The following LRRC37A2 variants were observed in gnomAD, a reference collection of about 807,000 sequenced individuals.
LRRC37A2 encodes the protein leucine-rich repeat-containing protein 37A2.
A neutral mutation model predicts 68.8 loss-of-function variants in LRRC37A2; 9 were observed. The ratio of observed to expected loss-of-function variants is 0.13; its 90% CI spans 0.08 to 0.23. The LOEUF (loss-of-function observed/expected upper bound fraction) is 0.23, where lower values mean the gene tolerates loss of function less well. Ranked by LOEUF, LRRC37A2 falls within the 10% of genes least tolerant of loss-of-function variation. The probability of loss-of-function intolerance (pLI) is 1.00; values close to 1 mark genes in which losing one functional copy is unlikely to be tolerated. For synonymous variants in LRRC37A2, 63 were observed against 367.6 expected (o/e 0.17, Z 9.48); for missense variants, 168 against 950.4 (o/e 0.18, Z 10.82).
chr17:46,961,891 A>G, the LRRC37A2 span, among the ~76,000 whole-genome samples: 2 of 152,212 alleles, frequency 1.3e-5, no homozygotes, highest in Non-Finnish European at 2.9e-5. Context: ...CATGACTGCT[A>G]CCCTAGGGGA....
the LRRC37A2 span, among the ~76,000 whole-genome samples, chr17:47,038,572 C>T: frequency 1.3e-3 from 184 of 146,782 alleles, no homozygotes; most frequent in African/African-American, 4.1e-3. Context: ...ACAAAAACTT[C>T]GCTTCTCTAA....
At chr17:47,002,166 T>C in the LRRC37A2 span, among the ~76,000 whole-genome samples, 1 of 152,198 alleles carries the variant, frequency 6.6e-6, no homozygotes, top group East Asian at 1.9e-4. Flanking sequence ...GATGTATCCA[T>C]GTTGCTTTGT....
the LRRC37A2 span, among the ~76,000 whole-genome samples, chr17:46,817,379 C>T: frequency 1.3e-5 from 2 of 152,216 alleles, no homozygotes; most frequent in Admixed American, 6.5e-5. Context: ...CCTCCCCCCG[C>T]CCAGGCCAAG....
intron 6 of LRRC37A2, among the ~76,000 whole-genome samples, chr17:46,539,768 CAAAA>C (rs1204528686): frequency 2.2e-3 from 146 of 67,016 alleles, no homozygotes; most frequent in African/African-American, 9.0e-3. Flanking sequence ...GACTCCATCT[CAAAA>C]AAAAAAAAAA....
At chr17:46,891,636 G>C in the LRRC37A2 span, among the ~76,000 whole-genome samples, 2 of 152,168 alleles carry the variant, frequency 1.3e-5, no homozygotes, top group Non-Finnish European at 2.9e-5. Flanking sequence ...CGGAACACCA[G>C]GGAGAAAATT....
the LRRC37A2 span, among the ~76,000 whole-genome samples, chr17:47,007,200 CAG>C: frequency 9.9e-5 from 15 of 152,268 alleles, no homozygotes; most frequent in Admixed American, 2.6e-4. Flanking sequence ...TTTCCTTCGA[CAG>C]AGTCTTGCTC....
the LRRC37A2 span, among the ~76,000 whole-genome samples, chr17:46,874,328 A>G: frequency 6.6e-6 from 1 of 152,222 alleles, no homozygotes; most frequent in Non-Finnish European, 1.5e-5. Context: ...CATGTGTCAT[A>G]GGAAGCCCAT....
At chr17:46,893,691 C>G in the LRRC37A2 span, among the ~76,000 whole-genome samples, 32 of 152,162 alleles carry the variant, frequency 2.1e-4, no homozygotes, top group Admixed American at 1.6e-3. Context: ...GAGTTCCAAG[C>G]TGAGGTTGGA....
At chr17:46,657,385 T>C in the LRRC37A2 span, among the ~76,000 whole-genome samples, 3 of 152,236 alleles carry the variant, frequency 2.0e-5, no homozygotes, top group African/African-American at 4.8e-5. Context: ...GAGAAACTAA[T>C]AGACAAGGTT....
chr17:46,874,582 A>T, the LRRC37A2 span, among the ~76,000 whole-genome samples: 64 of 152,094 alleles, frequency 4.2e-4, no homozygotes, highest in African/African-American at 1.2e-3. Context: ...TTTATAAATT[A>T]AAAAAATTTT....
At chr17:46,739,640 T>TAA in the LRRC37A2 span, among the ~76,000 whole-genome samples, 1 of 144,984 alleles carries the variant, frequency 6.9e-6, no homozygotes, top group African/African-American at 2.5e-5. Flanking sequence ...CTTCCTCTAC[T>TAA]AAAAAAAAAA....
chr17:46,681,537 A>G, the LRRC37A2 span, among the ~76,000 whole-genome samples: 1 of 147,964 alleles, frequency 6.8e-6, no homozygotes, highest in Non-Finnish European at 1.5e-5. Context: ...CATGAATAAC[A>G]CTCAGAAATA....
the LRRC37A2 span, among the ~76,000 whole-genome samples, chr17:46,497,173 C>T: frequency 2.1e-5 from 2 of 96,936 alleles, no homozygotes; most frequent in South Asian, 4.6e-4. Flanking sequence ...GGATTATAGG[C>T]GTGAGCCACC....
At chr17:46,978,641 G>T in the LRRC37A2 span, 1 of 1,589,614 alleles carries the variant, frequency 6.3e-7, no homozygotes, top group Non-Finnish European at 8.5e-7. Flanking sequence ...GACCCAGATG[G>T]CGCTCAGTAC....
chr17:46,980,701 C>T, the LRRC37A2 span, among the ~76,000 whole-genome samples: 23 of 125,988 alleles, frequency 1.8e-4, no homozygotes, highest in East Asian at 1.1e-3. Context: ...GGCGTGGTGG[C>T]GGGCGCCTGT....
the LRRC37A2 span, among the ~76,000 whole-genome samples, chr17:46,765,859 CAAAT>C: frequency 6.6e-6 from 1 of 152,216 alleles, no homozygotes; most frequent in Non-Finnish European, 1.5e-5. Flanking sequence ...CCCCAGTTCA[CAAAT>C]GAAGAAGCCA....
the LRRC37A2 span, among the ~76,000 whole-genome samples, chr17:46,770,221 C>T: frequency 1.3e-5 from 2 of 152,204 alleles, no homozygotes; most frequent in South Asian, 2.1e-4. Flanking sequence ...TGGTTTAGAC[C>T]CAGTTGGGTA....
chr17:47,032,948 TG>T, the LRRC37A2 span, among the ~76,000 whole-genome samples: 1 of 152,148 alleles, frequency 6.6e-6, no homozygotes, highest in African/African-American at 2.4e-5. Flanking sequence ...CTGGGCATGG[TG>T]GCTCATGCTG....
the LRRC37A2 span, among the ~76,000 whole-genome samples, chr17:46,609,541 C>G: frequency 6.7e-6 from 1 of 149,938 alleles, no homozygotes; most frequent in Non-Finnish European, 1.5e-5. Context: ...GTTTTTGATT[C>G]AATTATTTGT....
Sources: allele counts gnomAD v4.1 joint callset (sites outside exome capture counted in the v4.1 genomes callset), GRCh38; gene constraint gnomAD v4.1.1; transcripts MANE v1.5; gene names NCBI Gene and HGNC (gene_info 2026-07-23, HGNC 2026-07-21).